MPP2: variants seen among roughly 807,000 people sequenced by gnomAD.
MPP2 encodes the protein MAGUK p55 subfamily member 2.
A neutral mutation model predicts 58.5 loss-of-function variants in MPP2; 42 were observed. The ratio of observed to expected loss-of-function variants is 0.72; its 90% CI spans 0.56 to 0.93. The LOEUF (loss-of-function observed/expected upper bound fraction) is 0.93, where lower values mean the gene tolerates loss of function less well. MPP2 is among the 40% of genes least tolerant of loss of function. The pLI is 0.00. For missense variants in MPP2, 632 were observed against 760.4 expected, an observed-to-expected ratio of 0.83 and a Z score of 1.99; for synonymous variants, 300 against 307.8, an observed-to-expected ratio of 0.97 and a Z score of 0.26.
intron 1 of MPP2, among the ~76,000 whole-genome samples, chr17:43,906,431 A>C (rs1471464197): frequency 6.6e-6 from 1 of 152,036 alleles, no homozygotes; most frequent in Admixed American, 6.5e-5. Flanking sequence ...CTGGGCCCAG[A>C]TGCCCTCTCA....
chr17:43,888,287 G>C (rs1232167335), intron 3 of MPP2, among the ~76,000 whole-genome samples: 1 of 152,172 alleles, frequency 6.6e-6, no homozygotes, highest in Non-Finnish European at 1.5e-5. Flanking sequence ...ATTTTAGACT[G>C]ACATCCACAA....
chr17:43,883,206 G>A lies in MPP2; in HGVS notation c.300C>T (p.Phe100=). The A allele has an allele frequency of 3.7e-6, 6 of 1,603,724 alleles. No individual in the cohort carries two copies. Among genetic ancestry groups the A allele is most frequent in the Non-Finnish European group, 5.1e-6 (6 of 1,174,446 alleles). Residue 100 remains phenylalanine, a synonymous_variant, in exon 4 of 13, where the codon TTC becomes TTT. Transcript: ENST00000269095. Reference sequence around the variant, plus strand: ...CCCAGCCCTAGCAGCCAGGAACCTGGAAGTGGGGCTCCTGGAGGATGTGGG... The same window carrying A: ...CCCAGCCCTAGCAGCCAGGAACCTGAAAGTGGGGCTCCTGGAGGATGTGGG... The part of the protein sequence containing the change: ...ELAHILQEPH[F]QSLLETHDSV...
intron 2 of MPP2, among the ~76,000 whole-genome samples, chr17:43,899,752 G>C (rs1457754501): frequency 1.3e-5 from 2 of 152,106 alleles, no homozygotes; most frequent in Non-Finnish European, 2.9e-5. Flanking sequence ...TGGAGGACAC[G>C]ATAACACCTG....
intron 1 of MPP2, among the ~76,000 whole-genome samples, chr17:43,905,098 G>A (rs955508804): frequency 5.3e-5 from 8 of 151,872 alleles, no homozygotes; most frequent in African/African-American, 9.7e-5. Flanking sequence ...GATCTCTTGA[G>A]CCCAGGAGGT....
At chr17:43,897,941 G>A (rs562054936) in intron 3 of MPP2, among the ~76,000 whole-genome samples, 2 of 152,244 alleles carry the variant, frequency 1.3e-5, no homozygotes, top group South Asian at 2.1e-4. Context: ...CACACAAAAC[G>A]CCCAAAGGCA....
At chr17:43,907,861 C>A (rs1451028983), upstream of MPP2, 1 of 985,318 alleles carries the variant, frequency 1.0e-6, no homozygotes, top group Non-Finnish European at 1.2e-6. Flanking sequence ...CTCCGCCCAC[C>A]CATCTTGGCT....
At chr17:43,899,124 G>A (rs916405387) in intron 2 of MPP2, among the ~76,000 whole-genome samples, 2 of 152,122 alleles carry the variant, frequency 1.3e-5, no homozygotes, top group African/African-American at 4.8e-5. Context: ...GCAGGCGCCT[G>A]TAATCCCAGC....
intron 3 of MPP2, among the ~76,000 whole-genome samples, chr17:43,884,945 A>G (rs1391159634): frequency 6.6e-6 from 1 of 151,758 alleles, no homozygotes; most frequent in Non-Finnish European, 1.5e-5. Flanking sequence ...ACATGGTGAA[A>G]CCCCGTTTCT....
At position 43,877,105 on chromosome 17, in the gene MPP2, T is replaced by G. The variant is rs1430975164; in HGVS notation, c.*702A>C. 1.3e-5 allele frequency: 2 copies of G among 152,918 alleles called. No homozygotes were observed. Among genetic ancestry groups the G allele is most frequent in the Non-Finnish European group, 2.9e-5 (2 of 68,250 alleles). The allele number at this position is 152,918 out of a possible 1,614,324, so 9.5% of individuals were successfully genotyped here. A position where few individuals can be genotyped will look rare whatever the true frequency, so the allele number is the denominator to read the frequency against. On this transcript the variant is annotated 3_prime_UTR_variant, in exon 13 of 13. Transcript: ENST00000269095. ...GCAGGGCTGACCTGTCAGGACACATTGGAGAAATCTGGAGAAACTTCGGCA... is the reference window on the plus strand; with the variant it reads ...GCAGGGCTGACCTGTCAGGACACATGGGAGAAATCTGGAGAAACTTCGGCA...
At chr17:43,882,635 C>T in intron 5 of MPP2, 124 bp from the exon 6 acceptor site, 2 of 919,790 alleles carry the variant, frequency 2.2e-6, no homozygotes, top group East Asian at 2.7e-5. Flanking sequence ...CAAAGTCCTC[C>T]TCCATCCTTC....
chr17:43,894,049 C>G (rs1290537047), intron 3 of MPP2, among the ~76,000 whole-genome samples: 1 of 145,612 alleles, frequency 6.9e-6, no homozygotes, highest in Non-Finnish European at 1.5e-5. Flanking sequence ...CTGAGGCAGG[C>G]GAATCATGAG....
chr17:43,878,570 A>T (rs2046951743), intron 12 of MPP2, among the ~76,000 whole-genome samples: 1 of 152,206 alleles, frequency 6.6e-6, no homozygotes, highest in African/African-American at 2.4e-5. Flanking sequence ...GCCAAGGAGG[A>T]GGTGCCCAGA....
chr17:43,908,875 G>T (rs992656825), upstream of MPP2, among the ~76,000 whole-genome samples: 8 of 152,162 alleles, frequency 5.3e-5, no homozygotes, highest in African/African-American at 1.9e-4. Context: ...AGCCACAGAG[G>T]CGGCCGAACT....
intron 3 of MPP2, among the ~76,000 whole-genome samples, chr17:43,894,440 TATATAC>T (rs1468904466): frequency 4.3e-5 from 1 of 23,440 alleles, no homozygotes; most frequent in African/African-American, 8.1e-5. Flanking sequence ...TATATATATA[TATATAC>T]ACACACACAC....
Position 43,876,591 on chromosome 17 carries a change from A to G in MPP2, c.*1216T>C, listed in dbSNP as rs1444049705. On this transcript the variant is annotated 3_prime_UTR_variant, in exon 13 of 13. Coordinates refer to ENST00000269095, the MANE Select transcript of MPP2 (RefSeq NM_005374.5). ...GAACCCCCAGAAAGGGGCCCCAAAG[A>G]GTGACCTCCAAAACAAAACCCTTTG... 6.6e-6 allele frequency: 1 copy of G among 152,386 alleles called. No homozygotes were observed. The highest frequency in any genetic ancestry group is 2.4e-5 in the African/African-American group (1 of 41,434). The allele number at this position is 152,386 out of a possible 1,614,324, so 9.4% of individuals were successfully genotyped here. A position where few individuals can be genotyped will look rare whatever the true frequency, so the allele number is the denominator to read the frequency against.
At chr17:43,889,388 A>G in intron 3 of MPP2, among the ~76,000 whole-genome samples, 1 of 142,148 alleles carries the variant, frequency 7.0e-6, no homozygotes, top group African/African-American at 2.7e-5. Context: ...TTTGAGACAG[A>G]GTCTCGCTCT....
Position 43,876,227 on chromosome 17 carries a change from G to A in MPP2, c.*1580C>T, listed in dbSNP as rs1348903283. Reference sequence around the variant, plus strand: ...AGGAAATGGGCACACAGTGGTTCAGGGGCCAGCTTTGGCTGACGCTGCAGC... The same window carrying A: ...AGGAAATGGGCACACAGTGGTTCAGAGGCCAGCTTTGGCTGACGCTGCAGC... On this transcript the variant is annotated 3_prime_UTR_variant, in exon 13 of 13. Transcript: ENST00000269095. The A allele has an allele frequency of 6.6e-6, 1 of 152,600 alleles. No homozygotes were observed. The highest frequency in any genetic ancestry group is 1.5e-5 in the Non-Finnish European group (1 of 68,046). 9.5% of individuals were successfully genotyped at this position (152,600 alleles called of 1,614,324 possible). A position where few individuals can be genotyped will look rare whatever the true frequency, so the allele number is the denominator to read the frequency against.
intron 1 of MPP2, among the ~76,000 whole-genome samples, chr17:43,906,836 C>G (rs2048310185): frequency 6.8e-6 from 1 of 146,912 alleles, no homozygotes; most frequent in Non-Finnish European, 1.5e-5. Context: ...CCCCGGCCAA[C>G]CCCCACCCCG....
At position 43,877,724 on chromosome 17, in the gene MPP2, G is replaced by T; in HGVS notation, c.*83C>A. 1 of 1,217,014 alleles carries T rather than the reference G, an allele frequency of 8.2e-7. No homozygotes were observed. Among genetic ancestry groups the T allele is most frequent in the Non-Finnish European group, 1.2e-6 (1 of 843,330 alleles). The allele number at this position is 1,217,014 out of a possible 1,614,324, so 75.4% of individuals were successfully genotyped here. A position where few individuals can be genotyped will look rare whatever the true frequency, so the allele number is the denominator to read the frequency against. ...GCCAGATATGGGGGCTAAGGATTGT[G>T]GCAGGGGGTCACAGGTCAGGAGGGG... On this transcript the variant is annotated 3_prime_UTR_variant, in exon 13 of 13. Coordinates refer to ENST00000269095, the MANE Select transcript of MPP2 (RefSeq NM_005374.5).
Sources: allele counts gnomAD v4.1 joint callset (sites outside exome capture counted in the v4.1 genomes callset), GRCh38; gene constraint gnomAD v4.1.1; transcripts MANE v1.5; gene names NCBI Gene and HGNC (gene_info 2026-07-23, HGNC 2026-07-21).